MMP26: variants seen among roughly 807,000 people sequenced by gnomAD.
MMP26 encodes the protein matrix metalloproteinase-26.
In MMP26, 33 loss-of-function variants were observed where a neutral mutation model predicts 31.0. The observed-to-expected ratio is 1.06, with a 90% CI of 0.81 to 1.42. The LOEUF (loss-of-function observed/expected upper bound fraction) is 1.42, where lower values mean the gene tolerates loss of function less well. Ranked by LOEUF, MMP26 falls within the 40% of genes most tolerant of loss-of-function variation. MMP26 has a pLI of 0.00. For missense variants in MMP26, 347 were observed against 316.1 expected (o/e 1.10, Z -0.74); for synonymous variants, 122 against 114.9 (o/e 1.06, Z -0.40).
rs775624811 is a variant in MMP26 at position 4,954,767 on chromosome 11, G to A, written c.-144-33301G>A. The stretch of plus-strand genomic sequence containing the variant: ...CATTTCCAGGTTTTCTGTCACATAT[G>A]ACTGTTAAATCTTCCATTGACACAA... On this transcript the variant is annotated intron_variant, in intron 2 of 7. Transcript: ENST00000380390. 3 of 1,030,836 alleles carry A rather than the reference G, an allele frequency of 2.9e-6. No individual in the cohort carries two copies. In the African/African-American group the frequency reaches 4.9e-5, roughly 17 times the overall value. 63.9% of individuals were successfully genotyped at this position (1,030,836 alleles called of 1,614,324 possible). A position where few individuals can be genotyped will look rare whatever the true frequency, so the allele number is the denominator to read the frequency against.
chr11:4,892,580 C>A (rs1338622663), intron 2 of MMP26, among the ~76,000 whole-genome samples: 1 of 152,146 alleles, frequency 6.6e-6, no homozygotes, highest in Non-Finnish European at 1.5e-5. Context: ...TAGCACACAT[C>A]CAATCATTAT....
chr11:4,755,084 G>C (rs1293517850), intron 1 of MMP26, among the ~76,000 whole-genome samples: 1 of 152,016 alleles, frequency 6.6e-6, no homozygotes, highest in East Asian at 1.9e-4. Context: ...ACTAATTTCT[G>C]TTTTTATTGG....
At chr11:4,862,781 G>A (rs1850181096) in intron 2 of MMP26, among the ~76,000 whole-genome samples, 1 of 152,146 alleles carries the variant, frequency 6.6e-6, no homozygotes, top group Admixed American at 6.6e-5. Context: ...GAGTATCTTA[G>A]ACACAGAAGA....
At position 4,950,101 on chromosome 11, in the gene MMP26, C is replaced by A. The variant is rs1223099763; in HGVS notation, c.-144-37967C>A. ...TACAATAGATAGAGCAATTTAAATGCAAGTAGAAAGAAAGAAATCTTGAGT... is the reference window on the plus strand; with the variant it reads ...TACAATAGATAGAGCAATTTAAATGAAAGTAGAAAGAAAGAAATCTTGAGT... On this transcript the variant is annotated intron_variant, in intron 2 of 7. Transcript: ENST00000380390. Among the ~76,000 whole-genome samples, 2 of 122,936 alleles carry A rather than the reference C, an allele frequency of 1.6e-5. 1 individual carries two copies. Among genetic ancestry groups the A allele is most frequent in the African/African-American group, 5.5e-5 (2 of 36,464 alleles). 80.7% of individuals were successfully genotyped at this position (122,936 alleles called of 152,430 possible). A position where few individuals can be genotyped will look rare whatever the true frequency, so the allele number is the denominator to read the frequency against.
At chr11:4,885,318 A>G (rs948912638) in intron 2 of MMP26, among the ~76,000 whole-genome samples, 1 of 152,164 alleles carries the variant, frequency 6.6e-6, no homozygotes, top group East Asian at 1.9e-4. Flanking sequence ...GAGAGATTAT[A>G]TAATATAGTC....
intron 2 of MMP26, chr11:4,832,309 GC>G (rs1849657846): frequency 1.2e-5 from 2 of 165,770 alleles, no homozygotes; most frequent in Non-Finnish European, 2.7e-5. Context: ...CCCTGCAAGA[GC>G]CCATGTACTA....
chr11:4,946,777 T>C (rs767857277), intron 2 of MMP26: 1 of 1,587,412 alleles, frequency 6.3e-7, no homozygotes, highest in Admixed American at 1.7e-5. Context: ...GTACTGAGAA[T>C]CCATGAATGA....
intron 2 of MMP26, among the ~76,000 whole-genome samples, chr11:4,874,178 G>A (rs1321055949): frequency 2.0e-5 from 3 of 152,078 alleles, no homozygotes; most frequent in African/African-American, 4.8e-5. Flanking sequence ...CTAGTCACAC[G>A]TGGCTATTGA....
chr11:4,834,276 T>C (rs1206874695), intron 2 of MMP26, among the ~76,000 whole-genome samples: 2 of 152,134 alleles, frequency 1.3e-5, no homozygotes, highest in Admixed American at 6.5e-5. Context: ...TCATGAGTAA[T>C]GATAGCACAG....
chr11:4,746,588 A>C (rs1848382703), intron 1 of MMP26, among the ~76,000 whole-genome samples: 1 of 152,148 alleles, frequency 6.6e-6, no homozygotes, highest in African/African-American at 2.4e-5. Flanking sequence ...CTGTAATCCC[A>C]GTACTTTGGG....
chr11:4,728,175 A>G (rs1848128237), intron 1 of MMP26, among the ~76,000 whole-genome samples: 1 of 152,250 alleles, frequency 6.6e-6, no homozygotes, highest in African/African-American at 2.4e-5. Flanking sequence ...TTCACATGGC[A>G]TGAAAAATTG....
intron 2 of MMP26, among the ~76,000 whole-genome samples, chr11:4,870,621 T>C (rs186364847): frequency 6.6e-6 from 1 of 152,194 alleles, no homozygotes; most frequent in South Asian, 2.1e-4. Context: ...GGTGATGGCT[T>C]AGATATGAAG....
intron 2 of MMP26, among the ~76,000 whole-genome samples, chr11:4,861,772 G>A (rs185200521): frequency 1.3e-5 from 2 of 151,934 alleles, no homozygotes; most frequent in Admixed American, 6.6e-5. Context: ...CATGAGTGCC[G>A]CCTTCTAATA....
intron 1 of MMP26, among the ~76,000 whole-genome samples, chr11:4,755,214 A>T (rs1332075325): frequency 8.5e-6 from 1 of 117,636 alleles, no homozygotes; most frequent in East Asian, 2.4e-4. Flanking sequence ...CTTTCTATTA[A>T]ATTTTCATCA....
At chr11:4,929,810 G>C (rs2133589543) in intron 2 of MMP26, among the ~76,000 whole-genome samples, 1 of 152,128 alleles carries the variant, frequency 6.6e-6, no homozygotes, top group South Asian at 2.1e-4. Context: ...CATTTTCTCT[G>C]TCAAGTTTTA....
chr11:4,732,623 T>G (rs1848188601), intron 1 of MMP26, among the ~76,000 whole-genome samples: 1 of 151,650 alleles, frequency 6.6e-6, no homozygotes, highest in Admixed American at 6.6e-5. Context: ...CTCATTGCTC[T>G]CCATCCCTCT....
At chr11:4,980,399 T>G (rs1186073154) in intron 2 of MMP26, among the ~76,000 whole-genome samples, 2 of 152,090 alleles carry the variant, frequency 1.3e-5, no homozygotes, top group Non-Finnish European at 2.9e-5. Flanking sequence ...CCATGTATGT[T>G]TTCTTTTGGG....
chr11:4,864,212 T>C (rs912664518), intron 2 of MMP26, among the ~76,000 whole-genome samples: 13 of 152,190 alleles, frequency 8.5e-5, no homozygotes, highest in African/African-American at 2.9e-4. Flanking sequence ...TTTTCTGAAT[T>C]GTTATTCCAA....
chr11:4,930,369 C>T (rs840708), intron 2 of MMP26, among the ~76,000 whole-genome samples: 79,798 of 151,872 alleles, frequency 0.53, 21,579 homozygotes, highest in East Asian at 0.76. Flanking sequence ...CTGGCTGAAG[C>T]CACACTCTTC....
Sources: gnomAD v4.1 joint callset for allele counts (sites outside exome capture counted in the v4.1 genomes callset) on GRCh38, gnomAD v4.1.1 for gene constraint, MANE v1.5 for transcripts, NCBI Gene and HGNC (gene_info 2026-07-23, HGNC 2026-07-21) for gene names.